The following PTPRD variants were observed in gnomAD, a reference collection of about 807,000 sequenced individuals.
The protein encoded by PTPRD is protein tyrosine phosphatase receptor type D, also known as receptor-type tyrosine-protein phosphatase delta.
In PTPRD, 34 loss-of-function variants were observed where a neutral mutation model predicts 214.5. That is an observed-to-expected ratio of 0.16 (90% CI 0.12 to 0.21). The LOEUF is 0.21. Among genes scored for constraint, PTPRD ranks in the 10% least tolerant of loss-of-function variants. The pLI is 1.00. For synonymous variants in PTPRD, 1,128 were observed against 845.7 expected (o/e 1.33, Z -5.79); for missense variants, 2,545 against 2,398.7 (o/e 1.06, Z -1.27).
intron 2 of PTPRD, among the ~76,000 whole-genome samples, chr9:10,582,736 T>C (rs138584514): frequency 1.2e-3 from 179 of 152,276 alleles, no homozygotes; most frequent in Non-Finnish European, 2.1e-3. Flanking sequence ...AAACTTATAT[T>C]GTTACAGAAT....
intron 10 of PTPRD, among the ~76,000 whole-genome samples, chr9:9,169,030 C>T (rs537189706): frequency 2.4e-4 from 36 of 151,628 alleles, no homozygotes; most frequent in African/African-American, 8.2e-4. Flanking sequence ...TAGAAATAAC[C>T]ACTGGGTGCT....
chr9:10,256,395 C>CTTTTTTT (rs35833315), intron 3 of PTPRD, among the ~76,000 whole-genome samples: 3 of 144,624 alleles, frequency 2.1e-5, no homozygotes, highest in Non-Finnish European at 1.5e-5. Flanking sequence ...TGAATTACAG[C>CTTTTTTT]TTTTTTTTTT....
At chr9:10,255,104 A>G (rs924239509) in intron 3 of PTPRD, among the ~76,000 whole-genome samples, 3 of 152,256 alleles carry the variant, frequency 2.0e-5, no homozygotes, top group Non-Finnish European at 2.9e-5. Flanking sequence ...TTTGCCAAGT[A>G]TAGTACAGAG....
chr9:9,305,838 A>C (rs934955186), intron 9 of PTPRD, among the ~76,000 whole-genome samples: 2 of 152,184 alleles, frequency 1.3e-5, no homozygotes, highest in African/African-American at 2.4e-5. Flanking sequence ...AAAGTGAGGC[A>C]GCTGCAAGAC....
chr9:8,859,340 GTGTGTAT>G (rs2098044512), intron 11 of PTPRD, among the ~76,000 whole-genome samples: 2 of 152,200 alleles, frequency 1.3e-5, no homozygotes, highest in South Asian at 4.1e-4. Context: ...AAGGTGCACT[GTGTGTAT>G]TGTTAGCTAA....
intron 9 of PTPRD, among the ~76,000 whole-genome samples, chr9:9,367,786 G>T (rs552951433): frequency 5.3e-4 from 80 of 151,822 alleles, no homozygotes; most frequent in South Asian, 3.9e-3. Context: ...AAAGCAATCT[G>T]AGAAGCACCA....
intron 3 of PTPRD, among the ~76,000 whole-genome samples, chr9:10,319,961 T>C (rs1451483768): frequency 2.0e-5 from 3 of 152,068 alleles, no homozygotes; most frequent in Admixed American, 1.3e-4. Context: ...CAGTGAATTA[T>C]TTCTAAACAC....
At chr9:10,268,324 A>G (rs1595770448) in intron 3 of PTPRD, among the ~76,000 whole-genome samples, 1 of 148,242 alleles carries the variant, frequency 6.7e-6, no homozygotes, top group South Asian at 2.2e-4. Flanking sequence ...TAATAACGAT[A>G]ATAATAATAA....
intron 42 of PTPRD, among the ~76,000 whole-genome samples, 180 bp from the exon 43 acceptor site, chr9:8,339,227 G>A (rs3847287): frequency 0.04 from 6,056 of 152,160 alleles, 196 homozygotes; most frequent in Admixed American, 0.11. Flanking sequence ...CCCTTCATAG[G>A]GAAACCCTTT....
chr9:9,618,069 C>T (rs1337106362), intron 7 of PTPRD, among the ~76,000 whole-genome samples: 1 of 27,408 alleles, frequency 3.6e-5, no homozygotes, highest in East Asian at 7.0e-4. Flanking sequence ...GAGACTCCAT[C>T]TCAAAAAAAA....
At chr9:9,318,152 C>A (rs1368028724) in intron 9 of PTPRD, among the ~76,000 whole-genome samples, 2 of 144,826 alleles carry the variant, frequency 1.4e-5, no homozygotes, top group South Asian at 2.2e-4. Flanking sequence ...GCCTGGGCAA[C>A]AAGAGTGAAA....
At chr9:9,650,896 A>G (rs1358138066) in intron 7 of PTPRD, among the ~76,000 whole-genome samples, 1 of 152,088 alleles carries the variant, frequency 6.6e-6, no homozygotes, top group African/African-American at 2.4e-5. Context: ...ATATAAATAA[A>G]TGTTACATTT....
chr9:9,183,024 T>A (rs375507153), intron 10 of PTPRD, among the ~76,000 whole-genome samples: 1 of 151,948 alleles, frequency 6.6e-6, no homozygotes, highest in Non-Finnish European at 1.5e-5. Context: ...ATTGTTAGAT[T>A]TCCCCCCACG....
At chr9:10,296,288 G>T (rs769841943) in intron 3 of PTPRD, among the ~76,000 whole-genome samples, 1 of 151,916 alleles carries the variant, frequency 6.6e-6, no homozygotes. Context: ...GATAAAAATA[G>T]AAATTGACCC....
At chr9:10,401,022 T>C (rs996261373) in intron 2 of PTPRD, among the ~76,000 whole-genome samples, 3 of 151,676 alleles carry the variant, frequency 2.0e-5, no homozygotes, top group African/African-American at 7.2e-5. Context: ...AATAAAAACT[T>C]TTATTGCCTG....
At chr9:10,266,803 T>G (rs1170579376) in intron 3 of PTPRD, among the ~76,000 whole-genome samples, 1 of 152,070 alleles carries the variant, frequency 6.6e-6, no homozygotes, top group Non-Finnish European at 1.5e-5. Flanking sequence ...GTTAAAAAAT[T>G]TAGCGTGTAA....
At chr9:8,850,810 A>C (rs1181282702) in intron 11 of PTPRD, among the ~76,000 whole-genome samples, 19 of 152,240 alleles carry the variant, frequency 1.2e-4, no homozygotes, top group Non-Finnish European at 5.9e-5. Flanking sequence ...GTGTTTTCAC[A>C]GGGAGGCCAG....
chr9:10,470,365 G>C (rs1477292562), intron 2 of PTPRD, among the ~76,000 whole-genome samples: 1 of 152,074 alleles, frequency 6.6e-6, no homozygotes, highest in East Asian at 1.9e-4. Context: ...CCATTATATA[G>C]CTAAAGTAGA....
chr9:8,543,013 G>C (rs1296954515), intron 14 of PTPRD, among the ~76,000 whole-genome samples: 4 of 152,154 alleles, frequency 2.6e-5, no homozygotes, highest in Non-Finnish European at 5.9e-5. Flanking sequence ...ATGGTCTCCT[G>C]AATAAGAGGA....
Sources: gnomAD v4.1 joint callset for allele counts (sites outside exome capture counted in the v4.1 genomes callset) on GRCh38, gnomAD v4.1.1 for gene constraint, MANE v1.5 for transcripts, NCBI Gene and HGNC (gene_info 2026-07-23, HGNC 2026-07-21) for gene names.